BTBD9: variants seen among roughly 807,000 people sequenced by gnomAD.
BTBD9 encodes BTB domain containing 9.
In BTBD9, 49 loss-of-function variants were observed where a neutral mutation model predicts 64.3. That is an observed-to-expected ratio of 0.76 (90% CI 0.61 to 0.97). BTBD9 has a LOEUF of 0.97. BTBD9 is among the 50% of genes least tolerant of loss of function. The probability of loss-of-function intolerance (pLI) is 0.00; values close to 1 mark genes in which losing one functional copy is unlikely to be tolerated. For missense variants in BTBD9, 598 were observed against 762.1 expected (o/e 0.78, Z 2.53); for synonymous variants, 260 against 274.7 (o/e 0.95, Z 0.53).
chr6:38,171,012 C>T lies in BTBD9; in HGVS notation c.*3973G>A, dbSNP rs1329478260. ...GAAGCAAATTTAATTTTCTTTTCCT[C>T]TTTGACACCTTTCTTCCCTGTCCAA... is the stretch of plus-strand genomic sequence containing the variant. On this transcript the variant is annotated 3_prime_UTR_variant, in exon 11 of 11. Coordinates refer to ENST00000481247, the MANE Select transcript of BTBD9 (RefSeq NM_001099272.2). 1 of 152,260 alleles carries T rather than the reference C, an allele frequency of 6.6e-6. No homozygotes were observed. The highest frequency in any genetic ancestry group is 2.1e-4 in the South Asian group (1 of 4,834). The allele number at this position is 152,260 out of a possible 1,614,324, so 9.4% of individuals were successfully genotyped here.
intron 10 of BTBD9, among the ~76,000 whole-genome samples, chr6:38,182,547 A>G (rs10947716): frequency 0.63 from 95,876 of 152,082 alleles, 31,638 homozygotes; most frequent in Non-Finnish European, 0.74. Flanking sequence ...AAGAGAGCCT[A>G]GCCATGGCCC....
intron 7 of BTBD9, among the ~76,000 whole-genome samples, chr6:38,341,136 A>G (rs1764081367): frequency 6.6e-6 from 1 of 152,250 alleles, no homozygotes; most frequent in Non-Finnish European, 1.5e-5. Flanking sequence ...TTAAAGAATC[A>G]CAACAGCTAT....
chr6:38,226,880 C>CA (rs1358102460), intron 9 of BTBD9, among the ~76,000 whole-genome samples: 1 of 152,244 alleles, frequency 6.6e-6, no homozygotes, highest in African/African-American at 2.4e-5. Flanking sequence ...CCTAGTTAGA[C>CA]ATGAAAACCA....
Position 38,170,270 on chromosome 6 carries a change from A to G in BTBD9, c.*4715T>C, listed in dbSNP as rs1383938865. ...CTGTCCCCTGCCTCTGCATGAGCCC[A>G]GCAGAAAATCCTAGCTGGAAGGCCG... On this transcript the variant is annotated 3_prime_UTR_variant, in exon 11 of 11. Transcript: ENST00000481247. 1 of 152,430 alleles carries G rather than the reference A, an allele frequency of 6.6e-6. No individual in the cohort carries two copies. The highest frequency in any genetic ancestry group is 1.5e-5 in the Non-Finnish European group (1 of 68,216). The allele number at this position is 152,430 out of a possible 1,614,324, so 9.4% of individuals were successfully genotyped here.
intron 6 of BTBD9, among the ~76,000 whole-genome samples, chr6:38,564,928 CTA>C (rs1241377967): frequency 1.3e-5 from 2 of 151,890 alleles, no homozygotes; most frequent in African/African-American, 4.8e-5. Flanking sequence ...AAAGATCTCA[CTA>C]TATAAAAACA....
chr6:38,458,858 A>G (rs896579958), intron 6 of BTBD9, among the ~76,000 whole-genome samples: 1 of 152,164 alleles, frequency 6.6e-6, no homozygotes, highest in Non-Finnish European at 1.5e-5. Context: ...GAATACACAA[A>G]AAATTTAAGT....
At chr6:38,477,752 T>C (rs1224370733) in intron 6 of BTBD9, among the ~76,000 whole-genome samples, 2 of 152,182 alleles carry the variant, frequency 1.3e-5, no homozygotes, top group Non-Finnish European at 2.9e-5. Flanking sequence ...ACTGGGGGTA[T>C]TTGAATTTGT....
intron 8 of BTBD9, among the ~76,000 whole-genome samples, chr6:38,259,063 A>G (rs1764706976): frequency 1.3e-5 from 2 of 152,232 alleles, no homozygotes; most frequent in African/African-American, 4.8e-5. Flanking sequence ...AGATATTGAA[A>G]GTGTGAGGAT....
intron 7 of BTBD9, among the ~76,000 whole-genome samples, chr6:38,325,248 T>C (rs1763377342): frequency 6.6e-6 from 1 of 151,898 alleles, no homozygotes; most frequent in South Asian, 2.1e-4. Context: ...ATAAACATAC[T>C]AGAGATGGTA....
chr6:38,400,097 T>A (rs921259418), intron 6 of BTBD9, among the ~76,000 whole-genome samples: 1 of 152,034 alleles, frequency 6.6e-6, no homozygotes, highest in Non-Finnish European at 1.5e-5. Context: ...GGCTTTCCTG[T>A]CACTCTTCCT....
intron 6 of BTBD9, among the ~76,000 whole-genome samples, chr6:38,398,123 C>A (rs980136624): frequency 6.6e-6 from 1 of 152,094 alleles, no homozygotes; most frequent in Non-Finnish European, 1.5e-5. Flanking sequence ...TGACTTCGTT[C>A]GATTTTTACA....
chr6:38,609,131 T>C (rs1777527990), intron 1 of BTBD9, among the ~76,000 whole-genome samples: 1 of 152,128 alleles, frequency 6.6e-6, no homozygotes, highest in Non-Finnish European at 1.5e-5. Context: ...AACAACTTCA[T>C]TTTAGGAACA....
rs1421941177 is a variant in BTBD9, at chr6:38,583,306, C to T, written c.815-2869G>A. On this transcript the variant is annotated intron_variant, in intron 4 of 10. Transcript: ENST00000481247. ...TGAGAGGTCAGGAGTTGGAGACCAA[C>T]CTGACCAACATGGTGAAACCCCATC... Among the ~76,000 whole-genome samples the T allele has an allele frequency of 3.9e-5, 6 of 152,170 alleles. No homozygotes were observed. In the East Asian group the frequency reaches 1.2e-3, roughly 30 times the overall value.
At position 38,204,330 on chromosome 6, in the gene BTBD9, A is replaced by G. The variant is rs554712526; in HGVS notation, c.1563-11733T>C. Among the ~76,000 whole-genome samples, 9 of 152,340 alleles carry G rather than the reference A, an allele frequency of 5.9e-5. No individual in the cohort carries two copies. The East Asian group carries it at 1.3e-3, about 23-fold the overall frequency. ...GTGGAAACAACCCAAATGTCCATCA[A>G]CTGATGAATGGATAGATAAAATGTA... On this transcript the variant is annotated intron_variant, in intron 9 of 10. Transcript: ENST00000481247.
At chr6:38,600,115 T>C (rs906377979) in intron 1 of BTBD9, among the ~76,000 whole-genome samples, 3 of 152,234 alleles carry the variant, frequency 2.0e-5, no homozygotes, top group African/African-American at 7.2e-5. Context: ...GTAGTCTTAA[T>C]GTGTACACAC....
chr6:38,634,013 G>A (rs1348702138), intron 1 of BTBD9, among the ~76,000 whole-genome samples: 1 of 152,116 alleles, frequency 6.6e-6, no homozygotes, highest in Non-Finnish European at 1.5e-5. Flanking sequence ...GGTGCACAAG[G>A]CAATTATTGT....
intron 7 of BTBD9, among the ~76,000 whole-genome samples, chr6:38,317,124 T>A (rs1220885659): frequency 6.6e-6 from 1 of 152,040 alleles, no homozygotes; most frequent in African/African-American, 2.4e-5. Context: ...GCCTCCCAAG[T>A]AGCTGGGATT....
chr6:38,188,077 G>C (rs927681558), intron 10 of BTBD9, among the ~76,000 whole-genome samples: 1 of 152,212 alleles, frequency 6.6e-6, no homozygotes, highest in African/African-American at 2.4e-5. Context: ...CCTACAGCAG[G>C]CAAGAAATCC....
intron 6 of BTBD9, among the ~76,000 whole-genome samples, chr6:38,506,663 C>T (rs1489424683): frequency 6.6e-6 from 1 of 152,206 alleles, no homozygotes; most frequent in African/African-American, 2.4e-5. Flanking sequence ...CTTTTCTCCA[C>T]CTCCATTGCC....
Sources: gnomAD v4.1 joint callset for allele counts (sites outside exome capture counted in the v4.1 genomes callset) on GRCh38, gnomAD v4.1.1 for gene constraint, MANE v1.5 for transcripts, NCBI Gene and HGNC (gene_info 2026-07-23, HGNC 2026-07-21) for gene names.